Variants in ATRNL1 observed in about 807,000 individuals in gnomAD.
The protein encoded by ATRNL1 is attractin-like protein 1.
Under a neutral mutation model 182.7 loss-of-function variants are expected in ATRNL1, and 95 were observed. That is an observed-to-expected ratio of 0.52 (90% CI 0.44 to 0.62). ATRNL1 has a LOEUF of 0.62. Among genes scored for constraint, ATRNL1 ranks in the 20% least tolerant of loss-of-function variants. The probability of loss-of-function intolerance (pLI) is 0.00; values close to 1 mark genes in which losing one functional copy is unlikely to be tolerated. For missense variants in ATRNL1, 1,471 were observed against 1,679.5 expected (o/e 0.88, Z 2.17); for synonymous variants, 576 against 568.3 (o/e 1.01, Z -0.19).
chr10:115,612,037 G>A (rs1286953503), intron 26 of ATRNL1, among the ~76,000 whole-genome samples: 2 of 152,162 alleles, frequency 1.3e-5, no homozygotes, highest in East Asian at 3.9e-4. Flanking sequence ...GATCACCTGA[G>A]GTTAGGAGTT....
chr10:115,150,880 C>A (rs1428076461), intron 5 of ATRNL1, among the ~76,000 whole-genome samples: 5 of 152,162 alleles, frequency 3.3e-5, no homozygotes, highest in East Asian at 1.9e-4. Context: ...CTGCTCCCCC[C>A]ACCCCACGAC....
intron 26 of ATRNL1, among the ~76,000 whole-genome samples, chr10:115,616,077 A>G (rs1576147): frequency 0.5 from 76,387 of 151,926 alleles, 20,156 homozygotes; most frequent in East Asian, 0.84. Flanking sequence ...CCAAAATGAT[A>G]ATAGTGATAT....
intron 17 of ATRNL1, among the ~76,000 whole-genome samples, chr10:115,304,595 C>T (rs2133985668): frequency 6.6e-6 from 1 of 152,216 alleles, no homozygotes; most frequent in East Asian, 1.9e-4. Context: ...GCGTACCAGG[C>T]AGGTATATGT....
intron 19 of ATRNL1, among the ~76,000 whole-genome samples, chr10:115,381,249 T>C (rs1857980094): frequency 6.6e-6 from 1 of 151,876 alleles, no homozygotes; most frequent in South Asian, 2.1e-4. Context: ...GGTATTTATC[T>C]TTGTTTTTTG....
chr10:115,342,389 A>C (rs1361568277), intron 19 of ATRNL1, among the ~76,000 whole-genome samples: 1 of 151,962 alleles, frequency 6.6e-6, no homozygotes, highest in Admixed American at 6.6e-5. Flanking sequence ...TGAATCTTGC[A>C]AAAACTACCT....
At chr10:115,198,202 A>G (rs781893410) in intron 8 of ATRNL1, among the ~76,000 whole-genome samples, 8 of 152,128 alleles carry the variant, frequency 5.3e-5, no homozygotes, top group Non-Finnish European at 8.8e-5. Flanking sequence ...GATAATAACG[A>G]TTCTAACAGA....
intron 9 of ATRNL1, among the ~76,000 whole-genome samples, chr10:115,239,009 C>T (rs1015851048): frequency 8.6e-5 from 13 of 152,010 alleles, no homozygotes; most frequent in Non-Finnish European, 1.5e-5. Context: ...GTTAGCTTAT[C>T]GACATGATGG....
At chr10:115,437,063 T>C (rs1846437029) in intron 21 of ATRNL1, among the ~76,000 whole-genome samples, 1 of 151,996 alleles carries the variant, frequency 6.6e-6, no homozygotes. Context: ...ATGATTGAGC[T>C]TTGATTTGAA....
intron 8 of ATRNL1, among the ~76,000 whole-genome samples, chr10:115,176,985 C>T (rs1212204882): frequency 6.6e-6 from 1 of 151,788 alleles, no homozygotes; most frequent in African/African-American, 2.4e-5. Context: ...GAGACTAGAT[C>T]AGATCACTAA....
At chr10:115,830,700 C>G (rs538482763) in intron 27 of ATRNL1, among the ~76,000 whole-genome samples, 98 of 152,242 alleles carry the variant, frequency 6.4e-4, no homozygotes, top group African/African-American at 2.3e-3. Flanking sequence ...CAGATGGAAC[C>G]ACAAGCATTT....
chr10:115,322,864 G>C (rs1204476285), intron 18 of ATRNL1, among the ~76,000 whole-genome samples: 1 of 151,884 alleles, frequency 6.6e-6, no homozygotes, highest in Non-Finnish European at 1.5e-5. Flanking sequence ...ATCTTATTGG[G>C]CTTTTTTGTA....
At chr10:115,357,704 A>G (rs1432689864) in intron 19 of ATRNL1, among the ~76,000 whole-genome samples, 3 of 151,686 alleles carry the variant, frequency 2.0e-5, no homozygotes, top group Non-Finnish European at 4.4e-5. Flanking sequence ...ATTTTATAGT[A>G]ATAATTTATG....
intron 19 of ATRNL1, among the ~76,000 whole-genome samples, chr10:115,389,587 T>TATATATATATATAC (rs1843911232): frequency 9.3e-6 from 1 of 108,094 alleles, no homozygotes; most frequent in Non-Finnish European, 1.9e-5. Flanking sequence ...TATATATATA[T>TATATATATATATAC]ATATTTCATC....
intron 1 of ATRNL1, among the ~76,000 whole-genome samples, chr10:115,099,719 C>T (rs1035690931): frequency 6.6e-6 from 1 of 152,086 alleles, no homozygotes; most frequent in Admixed American, 6.5e-5. Context: ...TGCTTACTTG[C>T]CATCCGTATA....
At chr10:115,189,190 A>G (rs933597526) in intron 8 of ATRNL1, among the ~76,000 whole-genome samples, 3 of 152,104 alleles carry the variant, frequency 2.0e-5, no homozygotes, top group South Asian at 2.1e-4. Context: ...ATGCTGGTGT[A>G]AACAAACCTA....
chr10:115,415,879 C>G (rs574336881), intron 20 of ATRNL1, among the ~76,000 whole-genome samples: 34 of 151,946 alleles, frequency 2.2e-4, no homozygotes, highest in Non-Finnish European at 4.0e-4. Context: ...GATAGTTGAG[C>G]CTGTTTCTGG....
intron 1 of ATRNL1, among the ~76,000 whole-genome samples, chr10:115,115,121 G>A (rs182312145): frequency 1.3e-5 from 2 of 152,204 alleles, no homozygotes; most frequent in East Asian, 3.9e-4. Context: ...TGCAAAATAA[G>A]CTAGGCTTAG....
intron 19 of ATRNL1, among the ~76,000 whole-genome samples, chr10:115,356,444 C>A (rs1215876217): frequency 2.6e-5 from 4 of 151,936 alleles, no homozygotes; most frequent in African/African-American, 9.7e-5. Flanking sequence ...GAGAGGCCAT[C>A]CTTTTGAGCT....
At position 115,138,934 on chromosome 10, in the gene ATRNL1, A is replaced by G. The variant is rs140888162; in HGVS notation, c.829+9399A>G. Among the ~76,000 whole-genome samples, 746 of 152,340 alleles carry G rather than the reference A, an allele frequency of 4.9e-3. 4 individuals are homozygous for G. The highest frequency in any genetic ancestry group is 0.016 in the African/African-American group (658 of 41,586). ...AAACTGAATGCCTTTAACAGAATCC[A>G]AGTCATATCTTGAATGCTTTGCTGC... On this transcript the variant is annotated intron_variant, in intron 5 of 28. Coordinates refer to ENST00000355044, the MANE Select transcript of ATRNL1 (RefSeq NM_207303.4).
Sources: allele counts gnomAD v4.1 joint callset (sites outside exome capture counted in the v4.1 genomes callset), GRCh38; gene constraint gnomAD v4.1.1; transcripts MANE v1.5; gene names NCBI Gene and HGNC (gene_info 2026-07-23, HGNC 2026-07-21).